Variants in CFAP299 observed in about 807,000 individuals in gnomAD.
CFAP299 encodes cilia and flagella associated protein 299, also known as cilia- and flagella-associated protein 299.
Under a neutral mutation model 27.0 loss-of-function variants are expected in CFAP299, and 21 were observed. The ratio of observed to expected loss-of-function variants is 0.78; its 90% confidence interval spans 0.55 to 1.12. The LOEUF is 1.12. CFAP299 is among the 50% of genes most tolerant of loss of function. The probability of loss-of-function intolerance (pLI) is 0.00; values close to 1 mark genes in which losing one functional copy is unlikely to be tolerated. For missense variants in CFAP299, 310 were observed against 276.6 expected (o/e 1.12, Z -0.86); for synonymous variants, 104 against 98.1 (o/e 1.06, Z -0.36).
At chr4:80,707,585 A>G (rs1578043562) in intron 3 of CFAP299, among the ~76,000 whole-genome samples, 2 of 152,148 alleles carry the variant, frequency 1.3e-5, no homozygotes, top group Admixed American at 6.6e-5. Context: ...TAAGCAAAAC[A>G]TATTTATTAT....
chr4:80,775,107 CTA>C (rs1241667267), intron 3 of CFAP299, among the ~76,000 whole-genome samples: 1 of 149,920 alleles, frequency 6.7e-6, no homozygotes, highest in African/African-American at 2.4e-5. Context: ...GAAAATAAAA[CTA>C]TTTTCAAAGA....
intron 2 of CFAP299, among the ~76,000 whole-genome samples, chr4:80,465,410 G>A (rs1014036876): frequency 6.6e-6 from 1 of 152,134 alleles, no homozygotes; most frequent in African/African-American, 2.4e-5. Flanking sequence ...AGAAGGGCAG[G>A]GTTTGTCACC....
At chr4:80,728,218 A>C (rs1257410089) in intron 3 of CFAP299, among the ~76,000 whole-genome samples, 3 of 152,062 alleles carry the variant, frequency 2.0e-5, no homozygotes, top group Non-Finnish European at 4.4e-5. Flanking sequence ...CTTATGTTTC[A>C]AAACTTATAG....
chr4:80,595,804 CAT>C (rs1423645614), intron 3 of CFAP299, among the ~76,000 whole-genome samples: 1 of 152,106 alleles, frequency 6.6e-6, no homozygotes, highest in African/African-American at 2.4e-5. Flanking sequence ...AAATTATGGA[CAT>C]ATTTTCTGGT....
At chr4:80,962,132 A>G (rs528062340) in intron 5 of CFAP299, among the ~76,000 whole-genome samples, 50 of 152,142 alleles carry the variant, frequency 3.3e-4, no homozygotes, top group African/African-American at 1.0e-3. Flanking sequence ...TTATTCATCT[A>G]TAAGAGGAAT....
At chr4:80,541,984 G>A (rs950786262) in intron 2 of CFAP299, among the ~76,000 whole-genome samples, 1 of 150,462 alleles carries the variant, frequency 6.6e-6, no homozygotes, top group Admixed American at 6.6e-5. Flanking sequence ...AAAAAAAAAA[G>A]GTATCAAGGA....
At chr4:80,612,190 A>G (rs1318371938) in intron 3 of CFAP299, among the ~76,000 whole-genome samples, 4 of 152,062 alleles carry the variant, frequency 2.6e-5, no homozygotes, top group African/African-American at 9.7e-5. Flanking sequence ...AAGGAAGTAT[A>G]TAATTTCTCT....
At chr4:80,430,932 G>A (rs1407485454) in intron 2 of CFAP299, among the ~76,000 whole-genome samples, 1 of 151,948 alleles carries the variant, frequency 6.6e-6, no homozygotes, top group Non-Finnish European at 1.5e-5. Context: ...TTTTTTGTGG[G>A]AACCTTTTCT....
intron 2 of CFAP299, among the ~76,000 whole-genome samples, chr4:80,516,021 T>C (rs993674848): frequency 3.4e-5 from 5 of 147,988 alleles, no homozygotes; most frequent in Admixed American, 2.0e-4. Context: ...GCATTTCTTT[T>C]TTTTTTTTTT....
intron 3 of CFAP299, among the ~76,000 whole-genome samples, chr4:80,868,675 C>T (rs1005143947): frequency 6.6e-6 from 1 of 152,088 alleles, no homozygotes; most frequent in Non-Finnish European, 1.5e-5. Context: ...TTTTTGGACT[C>T]TGAATATTTC....
intron 2 of CFAP299, among the ~76,000 whole-genome samples, chr4:80,454,254 T>C (rs1479074439): frequency 6.6e-6 from 1 of 152,134 alleles, no homozygotes; most frequent in Non-Finnish European, 1.5e-5. Flanking sequence ...ATGAAAAGCA[T>C]AAGTGAATCA....
chr4:80,404,091 A>T (rs1409349092), intron 2 of CFAP299, among the ~76,000 whole-genome samples: 1 of 152,174 alleles, frequency 6.6e-6, no homozygotes, highest in Non-Finnish European at 1.5e-5. Flanking sequence ...CATTACAAAA[A>T]CCTACACCTA....
chr4:80,470,173 C>T (rs1729923426), intron 2 of CFAP299, among the ~76,000 whole-genome samples: 1 of 152,016 alleles, frequency 6.6e-6, no homozygotes, highest in African/African-American at 2.4e-5. Context: ...GCCTCTGCCA[C>T]CTTGGACATG....
intron 3 of CFAP299, among the ~76,000 whole-genome samples, chr4:80,789,560 CAATT>C: frequency 6.6e-6 from 1 of 152,122 alleles, no homozygotes; most frequent in Non-Finnish European, 1.5e-5. Flanking sequence ...GATAAGTGTT[CAATT>C]ACTTTCACAT....
chr4:80,566,340 A>C (rs1735282653), intron 2 of CFAP299, among the ~76,000 whole-genome samples: 1 of 151,868 alleles, frequency 6.6e-6, no homozygotes, highest in Non-Finnish European at 1.5e-5. Flanking sequence ...TTTTCCTTAC[A>C]GTCCCTACCC....
chr4:80,660,375 G>T (rs141245292), intron 3 of CFAP299, among the ~76,000 whole-genome samples: 64 of 152,142 alleles, frequency 4.2e-4, no homozygotes, highest in African/African-American at 1.5e-3. Context: ...CCAACTATAA[G>T]AAATAGACAG....
At chr4:80,570,868 C>G (rs1287983160) in intron 2 of CFAP299, among the ~76,000 whole-genome samples, 2 of 151,828 alleles carry the variant, frequency 1.3e-5, no homozygotes, top group Non-Finnish European at 2.9e-5. Context: ...CACGAGAATA[C>G]AATGAAAATG....
chr4:80,521,539 A>G (rs1162437111), intron 2 of CFAP299, among the ~76,000 whole-genome samples: 25 of 152,142 alleles, frequency 1.6e-4, no homozygotes, highest in Non-Finnish European at 7.4e-5. Context: ...AACTACATGT[A>G]TGTTGTTGTA....
intron 1 of CFAP299, among the ~76,000 whole-genome samples, chr4:80,357,500 G>C (rs1723333378): frequency 6.6e-6 from 1 of 152,102 alleles, no homozygotes; most frequent in African/African-American, 2.4e-5. Context: ...ATTTATTACT[G>C]ACTCAATTTC....
Sources: gnomAD v4.1 joint callset for allele counts (sites outside exome capture counted in the v4.1 genomes callset) on GRCh38, gnomAD v4.1.1 for gene constraint, MANE v1.5 for transcripts, NCBI Gene and HGNC (gene_info 2026-07-23, HGNC 2026-07-21) for gene names.